SLC44A1: variants seen among roughly 807,000 people sequenced by gnomAD.
SLC44A1 encodes solute carrier family 44 member 1.
SLC44A1 carries 26 observed loss-of-function variants against 79.3 expected under a neutral mutation model. The observed-to-expected ratio is 0.33, with a 90% CI of 0.24 to 0.46. The LOEUF (loss-of-function observed/expected upper bound fraction) is 0.46, where lower values mean the gene tolerates loss of function less well. Ranked by LOEUF, SLC44A1 falls within the 20% of genes least tolerant of loss-of-function variation. SLC44A1 has a pLI of 1.00. For synonymous variants in SLC44A1, 263 were observed against 286.2 expected, an observed-to-expected ratio of 0.92 and a Z score of 0.82; for missense variants, 688 against 798.1, an observed-to-expected ratio of 0.86 and a Z score of 1.66.
chr9:105,309,141 G>A (rs1831110556), intron 2 of SLC44A1, among the ~76,000 whole-genome samples: 1 of 152,192 alleles, frequency 6.6e-6, no homozygotes, highest in South Asian at 2.1e-4. Flanking sequence ...GGAAACAGAA[G>A]TATTGGGTGC....
rs1228916278 is a variant in SLC44A1, at chr9:105,391,362, A to G, written c.*2306A>G. ...ATAACTTGATTGTGTGCCATTTTATATAACAGGTCCTGTTTTACAAATAAA... is the reference window on the plus strand; with the variant it reads ...ATAACTTGATTGTGTGCCATTTTATGTAACAGGTCCTGTTTTACAAATAAA... On this transcript the variant is annotated 3_prime_UTR_variant, in exon 16 of 16. Coordinates refer to ENST00000374720, the MANE Select transcript of SLC44A1 (RefSeq NM_080546.5). The G allele has an allele frequency of 8.1e-6, 8 of 983,942 alleles. No homozygotes were observed. The East Asian group carries it at 6.8e-4, about 84-fold the overall frequency. 61.0% of individuals were successfully genotyped at this position (983,942 alleles called of 1,614,324 possible). A position where few individuals can be genotyped will look rare whatever the true frequency, so the allele number is the denominator to read the frequency against.
chr9:105,376,375 CTTTT>C (rs34947116), intron 13 of SLC44A1, among the ~76,000 whole-genome samples: 2 of 136,336 alleles, frequency 1.5e-5, no homozygotes, highest in Non-Finnish European at 3.1e-5. Flanking sequence ...ACACACACTG[CTTTT>C]TTTTTTTTTT....
At chr9:105,406,253 A>G (rs1829028210) in intron 15 of SLC44A1, among the ~76,000 whole-genome samples, 1 of 152,160 alleles carries the variant, frequency 6.6e-6, no homozygotes, top group South Asian at 2.1e-4. Context: ...TCTACAATAC[A>G]TAGTTCAGAA....
intron 13 of SLC44A1, among the ~76,000 whole-genome samples, chr9:105,378,205 C>T (rs189838393): frequency 3.1e-4 from 47 of 152,260 alleles, no homozygotes; most frequent in African/African-American, 1.1e-3. Context: ...GCTGAGATAG[C>T]GCCACTGCAC....
intron 1 of SLC44A1, among the ~76,000 whole-genome samples, chr9:105,289,510 A>G (rs992536586): frequency 9.9e-5 from 15 of 152,206 alleles, no homozygotes; most frequent in African/African-American, 3.6e-4. Context: ...CTGTGATGGT[A>G]TTTACATAGT....
intron 3 of SLC44A1, among the ~76,000 whole-genome samples, chr9:105,335,289 T>G (rs1041539003): frequency 6.6e-6 from 1 of 152,118 alleles, no homozygotes; most frequent in African/African-American, 2.4e-5. Flanking sequence ...TGAAGAAAAC[T>G]AAAATAGATG....
At position 105,395,476 on chromosome 9, in the gene SLC44A1, C is replaced by G. The variant is rs1313030216; in HGVS notation, c.*6420C>G. ...TCAGGTGATCCACCCGCCTCAGCCTCCCAAAGTGCTGGGATTACAGGCATG... is the reference window on the plus strand; with the variant it reads ...TCAGGTGATCCACCCGCCTCAGCCTGCCAAAGTGCTGGGATTACAGGCATG... On this transcript the variant is annotated 3_prime_UTR_variant, in exon 16 of 16. Transcript: ENST00000374720. The G allele has an allele frequency of 1.1e-6, 1 of 895,468 alleles. No homozygotes were observed. Among genetic ancestry groups the G allele is most frequent in the Admixed American group, 6.2e-5 (1 of 16,158 alleles). The allele number at this position is 895,468 out of a possible 1,614,324, so 55.5% of individuals were successfully genotyped here. A position where few individuals can be genotyped will look rare whatever the true frequency, so the allele number is the denominator to read the frequency against.
chr9:105,429,362 G>A (rs118037216), intron 15 of SLC44A1, among the ~76,000 whole-genome samples: 1,587 of 152,322 alleles, frequency 0.01, 15 homozygotes, highest in Non-Finnish European at 0.017. Context: ...GAGTGCAGTG[G>A]CACGATCACA....
At chr9:105,316,220 C>T (rs899986751) in intron 3 of SLC44A1, among the ~76,000 whole-genome samples, 2 of 151,690 alleles carry the variant, frequency 1.3e-5, no homozygotes, top group Non-Finnish European at 2.9e-5. Context: ...CTATAGGAAG[C>T]GTTTTGAAGA....
intron 13 of SLC44A1, among the ~76,000 whole-genome samples, chr9:105,379,168 C>T (rs556525704): frequency 1.3e-5 from 2 of 152,112 alleles, no homozygotes; most frequent in African/African-American, 4.8e-5. Context: ...CCCAGCTACT[C>T]GGGAGGCTGA....
At chr9:105,331,446 AC>A (rs771004982) in intron 3 of SLC44A1, among the ~76,000 whole-genome samples, 3 of 152,240 alleles carry the variant, frequency 2.0e-5, no homozygotes, top group Non-Finnish European at 4.4e-5. Flanking sequence ...CATGCTTATT[AC>A]GATTATTTGT....
At chr9:105,273,026 C>G (rs569329013) in intron 1 of SLC44A1, among the ~76,000 whole-genome samples, 1 of 151,198 alleles carries the variant, frequency 6.6e-6, no homozygotes, top group South Asian at 2.1e-4. Context: ...AAGTCTTGCT[C>G]TGTCACCCAG....
chr9:105,382,732 G>GA (rs200425836), intron 13 of SLC44A1, among the ~76,000 whole-genome samples: 2,071 of 152,054 alleles, frequency 0.014, 43 homozygotes, highest in African/African-American at 0.047. Flanking sequence ...AAAATGCTTA[G>GA]AAAAAATACA....
intron 4 of SLC44A1, among the ~76,000 whole-genome samples, chr9:105,336,369 T>C (rs1826920757): frequency 6.6e-6 from 1 of 152,202 alleles, no homozygotes. Flanking sequence ...AGGCTAAAGA[T>C]AGAGGAATTA....
chr9:105,337,234 G>T (rs762148601), intron 4 of SLC44A1, among the ~76,000 whole-genome samples: 3 of 152,020 alleles, frequency 2.0e-5, no homozygotes, highest in Non-Finnish European at 4.4e-5. Flanking sequence ...TATATGCTCC[G>T]GAGTCCTATT....
intron 15 of SLC44A1, among the ~76,000 whole-genome samples, chr9:105,386,989 A>T (rs1443718918): frequency 7.1e-6 from 1 of 141,408 alleles, no homozygotes; most frequent in East Asian, 2.1e-4. Flanking sequence ...CAGTGAGCCA[A>T]GATGGCGCCA....
chr9:105,413,179 A>C (rs1175229651), intron 15 of SLC44A1, among the ~76,000 whole-genome samples: 1 of 152,170 alleles, frequency 6.6e-6, no homozygotes, highest in Non-Finnish European at 1.5e-5. Flanking sequence ...ACCTATTACT[A>C]TCAGGCTGTG....
At position 105,244,789 on chromosome 9, in the gene SLC44A1, C is replaced by A; in HGVS notation, c.-80C>A. 1.1e-6 allele frequency: 1 copy of A among 874,554 alleles called. No individual in the cohort carries two copies. Among genetic ancestry groups the A allele is most frequent in the Non-Finnish European group, 1.4e-6 (1 of 692,172 alleles). The allele number at this position is 874,554 out of a possible 1,614,324, so 54.2% of individuals were successfully genotyped here. ...GGTGCCAGGCCGCGCCCTCCCCGGG[C>A]GCCCGCCGGCTCGCATGCCGAGGGG... is the stretch of plus-strand genomic sequence containing the variant. On this transcript the variant is annotated 5_prime_UTR_variant, in exon 1 of 16. Transcript: ENST00000374720.
chr9:105,293,259 A>G (rs577436673), intron 1 of SLC44A1, among the ~76,000 whole-genome samples: 1 of 152,360 alleles, frequency 6.6e-6, no homozygotes, highest in South Asian at 2.1e-4. Context: ...GTATGAAGGA[A>G]AGATTGATAG....
Sources: gnomAD v4.1 joint callset for allele counts (sites outside exome capture counted in the v4.1 genomes callset) on GRCh38, gnomAD v4.1.1 for gene constraint, MANE v1.5 for transcripts, NCBI Gene and HGNC (gene_info 2026-07-23, HGNC 2026-07-21) for gene names.